FAM98A: variants seen among roughly 807,000 people sequenced by gnomAD.
The protein encoded by FAM98A is protein FAM98A.
A neutral mutation model predicts 62.9 loss-of-function variants in FAM98A; 25 were observed. The ratio of observed to expected loss-of-function variants is 0.40; its 90% CI spans 0.29 to 0.56. The LOEUF (loss-of-function observed/expected upper bound fraction) is 0.56, where lower values mean the gene tolerates loss of function less well. Ranked by LOEUF, FAM98A falls within the 20% of genes least tolerant of loss-of-function variation. FAM98A has a pLI of 0.51. For missense variants in FAM98A, 653 were observed against 640.7 expected, an observed-to-expected ratio of 1.02 and a Z score of -0.21; for synonymous variants, 252 against 228.6, an observed-to-expected ratio of 1.10 and a Z score of -0.92.
At chr2:33,596,818 G>C (rs1349004143) in intron 1 of FAM98A, among the ~76,000 whole-genome samples, 5 of 151,206 alleles carry the variant, frequency 3.3e-5, no homozygotes, top group Admixed American at 3.3e-4. Flanking sequence ...CTTGAATCCA[G>C]GAGGCAGAGC....
chr2:33,589,836 G>T (rs1037862423), intron 3 of FAM98A: 2 of 152,130 alleles, frequency 1.3e-5, no homozygotes, highest in African/African-American at 2.4e-5. Flanking sequence ...AACAGCAAAG[G>T]TATGTAGTTG....
Position 33,599,267 on chromosome 2 carries a change from G to A in FAM98A, c.-46C>T. ...TCCGAGTCGTCAGGCTCCCCTCTTC[G>A]CCGGCAACGCGTACACTCGCGCATG... On this transcript the variant is annotated 5_prime_UTR_variant, in exon 1 of 8. It introduces an in-frame stop codon into an upstream open reading frame of the 5' UTR. Transcript: ENST00000238823. The A allele has an allele frequency of 2.0e-6, 3 of 1,512,172 alleles. No homozygotes were observed. Among genetic ancestry groups the A allele is most frequent in the Non-Finnish European group, 2.8e-6 (3 of 1,086,968 alleles). 93.7% of individuals were successfully genotyped at this position (1,512,172 alleles called of 1,614,324 possible).
chr2:33,591,628 A>G (rs1677672910), intron 3 of FAM98A, among the ~76,000 whole-genome samples: 1 of 152,228 alleles, frequency 6.6e-6, no homozygotes, highest in South Asian at 2.1e-4. Context: ...ACAAGACAAA[A>G]TACTTTAAAT....
intron 4 of FAM98A, 182 bp downstream of exon 4, chr2:33,588,153 C>T: frequency 1.7e-6 from 1 of 603,336 alleles, no homozygotes; most frequent in Non-Finnish European, 3.0e-6. Flanking sequence ...TAGGAAAATA[C>T]TAAAATACTA....
chr2:33,599,290 A>T lies in FAM98A; in HGVS notation c.-69T>A. On this transcript the variant is annotated 5_prime_UTR_variant, in exon 1 of 8. The change abolishes an upstream ATG in the 5' untranslated region. Coordinates refer to ENST00000238823, the MANE Select transcript of FAM98A (RefSeq NM_015475.5). ...TCGCCGGCAACGCGTACACTCGCGC[A>T]TGCGCGACTTCCCCGGAACTTCCAA... 7.6e-7 allele frequency: 1 copy of T among 1,308,050 alleles called. No individual in the cohort carries two copies. Among genetic ancestry groups the T allele is most frequent in the South Asian group, 1.2e-5 (1 of 85,120 alleles). The allele number at this position is 1,308,050 out of a possible 1,614,324, so 81.0% of individuals were successfully genotyped here.
At position 33,595,621 on chromosome 2, in the gene FAM98A, A is replaced by G. The variant is rs1558551019; in HGVS notation, c.70T>C (p.Leu24=). ...LEDLGYKGPL[L]EDGALSQAVS... is the part of the protein sequence containing the mutation. ...GCCTGAGAGAGCGCTCCATCTTCCAACAATGGGCCCTTGTAACTGGTGAGC... is the reference window on the plus strand; with the variant it reads ...GCCTGAGAGAGCGCTCCATCTTCCAGCAATGGGCCCTTGTAACTGGTGAGC... Residue 24 remains leucine, a synonymous_variant, in exon 2 of 8, where the codon TTG becomes CTG. Transcript: ENST00000238823. 6.3e-7 allele frequency: 1 copy of G among 1,582,480 alleles called. No homozygotes were observed. The highest frequency in any genetic ancestry group is 8.5e-7 in the Non-Finnish European group (1 of 1,170,114).
In FAM98A at chr2:33,587,964, G is replaced by A. The variant is rs62150471; in HGVS notation, c.522+371C>T. ...AATATCCTTTCTGTCCAGTCAATGGGGAGGAGGGTGGTAACATTTAGTGAT... is the reference window on the plus strand; with the variant it reads ...AATATCCTTTCTGTCCAGTCAATGGAGAGGAGGGTGGTAACATTTAGTGAT... On this transcript the variant is annotated intron_variant, in intron 4 of 7. Transcript: ENST00000238823. 5.3e-3 allele frequency: 1,235 copies of A among 233,954 alleles called. 12 individuals carry two copies. The highest frequency in any genetic ancestry group is 7.5e-3 in the Non-Finnish European group (844 of 112,644). The allele number at this position is 233,954 out of a possible 1,614,324, so 14.5% of individuals were successfully genotyped here.
intron 5 of FAM98A, chr2:33,587,016 G>T (rs893847342): frequency 5.2e-5 from 28 of 535,320 alleles, no homozygotes; most frequent in Non-Finnish European, 8.2e-5. Flanking sequence ...ACTTTTATCA[G>T]CTGTGTGAAA....
chr2:33,585,076 TTGATAGCCACCACTGCTGTGGCCACCA>T lies in FAM98A; in HGVS notation c.1230_1256del (p.His410_Tyr418del), dbSNP rs1558546551. On this transcript the variant is annotated inframe_deletion, in exon 8 of 8. Transcript: ENST00000238823. ...TTTGGAAGCCACCATAACCTCCGCCTTGATAGCCACCACTGCTGTGGCCACCATGATAGCCACCTGGCTGGAAACCTG... is the reference window on the plus strand; with the variant it reads ...TTTGGAAGCCACCATAACCTCCGCCTTGATAGCCACCTGGCTGGAAACCTG... The T allele has an allele frequency of 1.9e-6, 3 of 1,614,184 alleles. No homozygotes were observed. The highest frequency in any genetic ancestry group is 8.5e-7 in the Non-Finnish European group (1 of 1,180,024).
intron 5 of FAM98A, 129 bp from the exon 6 acceptor site, chr2:33,586,807 C>A: frequency 1.6e-6 from 1 of 627,454 alleles, no homozygotes; most frequent in East Asian, 2.7e-5. Context: ...AGTTCTTATT[C>A]CATATAATAT....
chr2:33,585,917 C>CT (rs893017350), intron 6 of FAM98A, among the ~76,000 whole-genome samples: 1 of 152,052 alleles, frequency 6.6e-6, no homozygotes, highest in Non-Finnish European at 1.5e-5. Context: ...GTGACAGGGA[C>CT]TGTGGGGGCA....
In FAM98A at chr2:33,599,136, G is replaced by C. The variant is rs765142000; in HGVS notation, c.53+33C>G. 1.9e-6 allele frequency: 3 copies of C among 1,598,202 alleles called. No individual in the cohort carries two copies. In the South Asian group the frequency reaches 3.3e-5, roughly 18 times the overall value. ...GTGTTCCCAGGGGGCCGGCAGCGTG[G>C]GGCTTGGGAGACCCGTGCCCTGACA... On this transcript the variant is annotated intron_variant, in intron 1 of 7. Coordinates refer to ENST00000238823, the MANE Select transcript of FAM98A (RefSeq NM_015475.5).
At chr2:33,586,424 C>T (rs1677555108) in intron 6 of FAM98A, 138 bp downstream of exon 6, 3 of 567,910 alleles carry the variant, frequency 5.3e-6, no homozygotes, top group Non-Finnish European at 9.5e-6. Flanking sequence ...AGAGCCACTA[C>T]TCAATAACTC....
intron 3 of FAM98A, 53 bp downstream of exon 3, chr2:33,592,027 A>T: frequency 6.8e-7 from 1 of 1,467,586 alleles, no homozygotes; most frequent in Non-Finnish European, 9.4e-7. Context: ...TTTATTAGTC[A>T]TGGAAAACAT....
rs980174113 is a variant in FAM98A at position 33,598,384 on chromosome 2, T to A, written c.53+785A>T. On this transcript the variant is annotated intron_variant, in intron 1 of 7. Transcript: ENST00000238823. ...GCCCAAGAGGGTCCACGTTCTCAAGTTTAATAGAGTACACTGATCTGGGTG... is the reference window on the plus strand; with the variant it reads ...GCCCAAGAGGGTCCACGTTCTCAAGATTAATAGAGTACACTGATCTGGGTG... Among the ~76,000 whole-genome samples the A allele has an allele frequency of 7.9e-5, 12 of 152,214 alleles. 1 individual carries two copies. The highest frequency in any genetic ancestry group is 7.2e-4 in the Admixed American group (11 of 15,276).
Position 33,587,138 on chromosome 2 carries a change from A to T in FAM98A, c.603+102T>A, listed in dbSNP as rs574037199. On this transcript the variant is annotated intron_variant, in intron 5 of 7. Transcript: ENST00000238823. ...AGGGTGTTCAACTAGAAAACTATGTATAAGAAAACATAATTTAAAAAGCAC... is the reference window on the plus strand; with the variant it reads ...AGGGTGTTCAACTAGAAAACTATGTTTAAGAAAACATAATTTAAAAAGCAC... 3.7e-4 allele frequency: 274 copies of T among 734,864 alleles called. No homozygotes were observed. In the African/African-American group the frequency reaches 4.1e-3, roughly 11 times the overall value. The allele number at this position is 734,864 out of a possible 1,614,324, so 45.5% of individuals were successfully genotyped here.
At chr2:33,588,209 G>A (rs759555182) in intron 4 of FAM98A, 126 bp downstream of exon 4, 35 of 746,496 alleles carry the variant, frequency 4.7e-5, no homozygotes, top group Non-Finnish European at 6.2e-5. Flanking sequence ...AACTCATTTC[G>A]TAACAATTAC....
At position 33,599,281 on chromosome 2, in the gene FAM98A, C is replaced by G; in HGVS notation, c.-60G>C. ...CTCCCCTCTTCGCCGGCAACGCGTA[C>G]ACTCGCGCATGCGCGACTTCCCCGG... On this transcript the variant is annotated 5_prime_UTR_variant, in exon 1 of 8. Coordinates refer to ENST00000238823, the MANE Select transcript of FAM98A (RefSeq NM_015475.5). 7.1e-7 allele frequency: 1 copy of G among 1,418,308 alleles called. No individual in the cohort carries two copies. Among genetic ancestry groups the G allele is most frequent in the Non-Finnish European group, 1.0e-6 (1 of 1,001,158 alleles). The allele number at this position is 1,418,308 out of a possible 1,614,324, so 87.9% of individuals were successfully genotyped here. A position where few individuals can be genotyped will look rare whatever the true frequency, so the allele number is the denominator to read the frequency against.
At chr2:33,590,082 A>C (rs942075952) in intron 3 of FAM98A, among the ~76,000 whole-genome samples, 2 of 152,188 alleles carry the variant, frequency 1.3e-5, no homozygotes, top group African/African-American at 4.8e-5. Context: ...ACTGAAGATA[A>C]CATTTTTTAA....
Sources: gnomAD v4.1 joint callset for allele counts (sites outside exome capture counted in the v4.1 genomes callset) on GRCh38, gnomAD v4.1.1 for gene constraint, MANE v1.5 for transcripts, NCBI Gene and HGNC (gene_info 2026-07-23, HGNC 2026-07-21) for gene names.